NCBP1: variants seen among roughly 807,000 people sequenced by gnomAD.
NCBP1 encodes nuclear cap-binding protein subunit 1.
Under a neutral mutation model 111.7 loss-of-function variants are expected in NCBP1, and 16 were observed. The ratio of observed to expected loss-of-function variants is 0.14; its 90% CI spans 0.10 to 0.22. The LOEUF (loss-of-function observed/expected upper bound fraction) is 0.22, where lower values mean the gene tolerates loss of function less well. Ranked by LOEUF, NCBP1 falls within the 10% of genes least tolerant of loss-of-function variation. The pLI, the probability that NCBP1 is intolerant of heterozygous loss-of-function variation, is 1.00. For synonymous variants in NCBP1, 304 were observed against 314.3 expected, an observed-to-expected ratio of 0.97 and a Z score of 0.35; for missense variants, 607 against 957.5, an observed-to-expected ratio of 0.63 and a Z score of 4.83.
At position 97,671,263 on chromosome 9, in the gene NCBP1, G is replaced by A; in HGVS notation, c.*64G>A. 8.1e-7 allele frequency: 1 copy of A among 1,242,128 alleles called. No individual in the cohort carries two copies. The highest frequency in any genetic ancestry group is 1.2e-6 in the Non-Finnish European group (1 of 866,784). 76.9% of individuals were successfully genotyped at this position (1,242,128 alleles called of 1,614,324 possible). A position where few individuals can be genotyped will look rare whatever the true frequency, so the allele number is the denominator to read the frequency against. ...CTTAAAATAATTTGTCTTATTTTTT[G>A]ATGGTTTGAATGCTTGCTTTCTTGT... On this transcript the variant is annotated 3_prime_UTR_variant, in exon 23 of 23. Coordinates refer to ENST00000375147, the MANE Select transcript of NCBP1 (RefSeq NM_002486.5).
intron 19 of NCBP1, among the ~76,000 whole-genome samples, chr9:97,666,007 T>C (rs376641995): frequency 6.6e-5 from 10 of 152,176 alleles, no homozygotes; most frequent in African/African-American, 2.4e-4. Flanking sequence ...AGAGGAGGGG[T>C]TGGTCTTATT....
At chr9:97,670,004 C>T (rs1233525276) in intron 22 of NCBP1, 23 of 424,422 alleles carry the variant, frequency 5.4e-5, no homozygotes, top group Non-Finnish European at 9.7e-5. Flanking sequence ...CTCACTGCAA[C>T]CTCCACCTCC....
chr9:97,667,232 C>G (rs1257372662), intron 20 of NCBP1, among the ~76,000 whole-genome samples: 1 of 152,172 alleles, frequency 6.6e-6, no homozygotes, highest in Non-Finnish European at 1.5e-5. Flanking sequence ...ACTATAGATA[C>G]TTAACACTTT....
chr9:97,645,234 C>A lies in NCBP1; in HGVS notation c.489+10C>A. 2.5e-6 allele frequency: 4 copies of A among 1,585,902 alleles called. No individual in the cohort carries two copies. The highest frequency in any genetic ancestry group is 3.5e-6 in the Non-Finnish European group (4 of 1,154,766). On this transcript the variant is annotated intron_variant, in intron 5 of 22. Transcript: ENST00000375147. The stretch of plus-strand genomic sequence containing the variant: ...AGAAGATGTACCTCAGGTAAGAGAA[C>A]CCCTCATGCTGAATCTTGAGGGGTT...
chr9:97,668,406 T>G (rs956929538), intron 20 of NCBP1, among the ~76,000 whole-genome samples: 6 of 152,248 alleles, frequency 3.9e-5, no homozygotes, highest in African/African-American at 1.4e-4. Context: ...CAGCCCACTT[T>G]GAATTATTAT....
chr9:97,644,459 C>A (rs1827281668), intron 4 of NCBP1, among the ~76,000 whole-genome samples: 1 of 152,144 alleles, frequency 6.6e-6, no homozygotes, highest in Non-Finnish European at 1.5e-5. Context: ...TTCCCCAACT[C>A]CCTTTGTCAT....
intron 17 of NCBP1, 130 bp from the exon 18 acceptor site, chr9:97,662,823 AT>A: frequency 6.1e-6 from 4 of 652,404 alleles, no homozygotes; most frequent in Non-Finnish European, 1.0e-5. Context: ...TGCATCCTTA[AT>A]GGTTAATACT....
chr9:97,656,774 G>A (rs551080019), intron 14 of NCBP1, among the ~76,000 whole-genome samples: 1 of 151,968 alleles, frequency 6.6e-6, no homozygotes, highest in Admixed American at 6.6e-5. Context: ...TGATGTAATG[G>A]CCCATTATCC....
chr9:97,666,697 T>A, intron 19 of NCBP1, 66 bp from the exon 20 acceptor site: 1 of 1,100,940 alleles, frequency 9.1e-7, no homozygotes, highest in Non-Finnish European at 1.3e-6. Flanking sequence ...ATTACAAAAG[T>A]TGAAAGATTT....
intron 11 of NCBP1, 104 bp downstream of exon 11, chr9:97,654,012 C>A: frequency 1.1e-6 from 1 of 945,492 alleles, no homozygotes; most frequent in East Asian, 2.6e-5. Context: ...AAAAATGTGG[C>A]TTTTGAAGTG....
intron 22 of NCBP1, 134 bp downstream of exon 22, chr9:97,669,840 G>A (rs1403970431): frequency 4.2e-6 from 3 of 720,508 alleles, no homozygotes; most frequent in Non-Finnish European, 5.1e-6. Flanking sequence ...TCCATTTGCT[G>A]CTACCATTGC....
chr9:97,672,135 G>A lies in NCBP1; in HGVS notation c.*936G>A, dbSNP rs1023832518. 6.6e-6 allele frequency: 1 copy of A among 152,160 alleles called. No homozygotes were observed. Among genetic ancestry groups the A allele is most frequent in the Admixed American group, 6.5e-5 (1 of 15,272 alleles). The allele number at this position is 152,160 out of a possible 1,614,324, so 9.4% of individuals were successfully genotyped here. A position where few individuals can be genotyped will look rare whatever the true frequency, so the allele number is the denominator to read the frequency against. On this transcript the variant is annotated 3_prime_UTR_variant, in exon 23 of 23. Transcript: ENST00000375147. ...CTGAGCTTGTTTCCTGTATAGTACT[G>A]ATGCTGAAATAAGATGACAGCAGTT...
chr9:97,634,045 A>T, intron 1 of NCBP1, 130 bp downstream of exon 1: 1 of 1,178,312 alleles, frequency 8.5e-7, no homozygotes, highest in African/African-American at 1.6e-5. Flanking sequence ...GGAGGGAAAG[A>T]GGAGAATATG....
intron 8 of NCBP1, among the ~76,000 whole-genome samples, chr9:97,649,952 TA>T (rs1315459721): frequency 6.6e-6 from 1 of 151,864 alleles, no homozygotes; most frequent in Admixed American, 6.6e-5. Flanking sequence ...TTAGAAATTG[TA>T]AAAAAAAGAT....
At chr9:97,670,910 C>G (rs1798171547) in intron 22 of NCBP1, among the ~76,000 whole-genome samples, 176 bp from the exon 23 acceptor site, 1 of 152,050 alleles carries the variant, frequency 6.6e-6, no homozygotes, top group Non-Finnish European at 1.5e-5. Flanking sequence ...TTTCATTTCC[C>G]TTTTTATTTT....
intron 22 of NCBP1, 124 bp downstream of exon 22, chr9:97,669,830 T>G (rs1164335341): frequency 1.4e-6 from 1 of 734,158 alleles, no homozygotes; most frequent in Non-Finnish European, 2.5e-6. Flanking sequence ...TTAGTTCATG[T>G]CCATTTGCTG....
intron 22 of NCBP1, 76 bp from the exon 23 acceptor site, chr9:97,671,010 C>G: frequency 1.1e-6 from 1 of 908,286 alleles, no homozygotes; most frequent in South Asian, 1.6e-5. Context: ...CATGGGTGGG[C>G]TGCTGAAGGA....
At chr9:97,668,772 A>G in intron 20 of NCBP1, 74 bp from the exon 21 acceptor site, 1 of 1,506,896 alleles carries the variant, frequency 6.6e-7, no homozygotes, top group Non-Finnish European at 8.9e-7. Context: ...ACACAGTAAA[A>G]TGCTTCCCCT....
chr9:97,643,163 T>G, intron 3 of NCBP1, 41 bp from the exon 4 acceptor site: 3 of 1,531,004 alleles, frequency 2.0e-6, no homozygotes, highest in Non-Finnish European at 2.6e-6. Context: ...CTTAACGCCA[T>G]TGTTTTGGGG....
Sources: gnomAD v4.1 joint callset for allele counts (sites outside exome capture counted in the v4.1 genomes callset) on GRCh38, gnomAD v4.1.1 for gene constraint, MANE v1.5 for transcripts, NCBI Gene and HGNC (gene_info 2026-07-23, HGNC 2026-07-21) for gene names.